CD5: variants seen among roughly 807,000 people sequenced by gnomAD.
CD5 encodes CD5 molecule, also known as T-cell surface glycoprotein CD5.
A neutral mutation model predicts 60.3 loss-of-function variants in CD5; 36 were observed. That is an observed-to-expected ratio of 0.60 (90% CI 0.46 to 0.79). The LOEUF (loss-of-function observed/expected upper bound fraction) is 0.79. CD5 is among the 30% of genes least tolerant of loss of function. The pLI is 0.00. For synonymous variants in CD5, 230 were observed against 257.6 expected (o/e 0.89, Z 1.03); for missense variants, 540 against 630.6 (o/e 0.86, Z 1.54).
At chr11:61,103,451 G>A (rs1195648029) in intron 1 of CD5, among the ~76,000 whole-genome samples, 4 of 152,232 alleles carry the variant, frequency 2.6e-5, no homozygotes, top group Admixed American at 2.0e-4. Context: ...GGCTGGCAGG[G>A]AGAGGGTCCG....
At chr11:61,115,018 A>T in intron 1 of CD5, 38 bp from the exon 2 acceptor site, 1 of 1,546,098 alleles carries the variant, frequency 6.5e-7, no homozygotes, top group Admixed American at 2.0e-5. Flanking sequence ...AGAGAGTGGG[A>T]GGTTTCACTT....
At chr11:61,114,361 A>G (rs1860904675) in intron 1 of CD5, among the ~76,000 whole-genome samples, 1 of 152,204 alleles carries the variant, frequency 6.6e-6, no homozygotes, top group South Asian at 2.1e-4. Flanking sequence ...CACTTCAGGA[A>G]GCTGATGCAC....
At position 61,121,741 on chromosome 11, in the gene CD5, G is replaced by A. The variant is rs1286665943; in HGVS notation, c.936G>A (p.Trp312Ter). The A allele has an allele frequency of 3.7e-6, 6 of 1,611,458 alleles. No individual in the cohort carries two copies. The highest frequency in any genetic ancestry group is 1.3e-5 in the African/African-American group (1 of 74,888). Residue 312 changes from tryptophan to a stop codon, truncating the protein, a stop_gained, in exon 6 of 11, where the codon TGG becomes TGA. Coordinates refer to ENST00000347785, the MANE Select transcript of CD5 (RefSeq NM_014207.4). LOFTEE classifies it high-confidence loss of function. ...CTTCAGCCAGGAGCTCGCTGCGGTG[G>A]GAGGAGGTGTGCCGGGAGCAGCAGT... is the stretch of plus-strand genomic sequence containing the variant. ...DSSSARSSLR[W>*]EEVCREQQCG...
At chr11:61,100,787 TCAA>T (rs1222059319), upstream of CD5, among the ~76,000 whole-genome samples, 1 of 93,030 alleles carries the variant, frequency 1.1e-5, no homozygotes, top group Non-Finnish European at 2.1e-5. Context: ...CAAACACACA[TCAA>T]CATGGAGATC....
the CD5 span, among the ~76,000 whole-genome samples, chr11:61,094,471 T>G: frequency 6.6e-6 from 1 of 152,254 alleles, no homozygotes; most frequent in South Asian, 2.1e-4. Flanking sequence ...GCCTACTCCA[T>G]TTGAGTAGAA....
upstream of CD5, among the ~76,000 whole-genome samples, chr11:61,099,187 C>A (rs988168311): frequency 6.6e-6 from 1 of 152,230 alleles, no homozygotes; most frequent in African/African-American, 2.4e-5. Context: ...CACATACATA[C>A]CCCACATCAA....
chr11:61,107,476 T>C (rs751409535), intron 1 of CD5, among the ~76,000 whole-genome samples: 2 of 152,224 alleles, frequency 1.3e-5, no homozygotes, highest in South Asian at 2.1e-4. Flanking sequence ...AAGGAAATAC[T>C]GTGTACATAC....
intron 1 of CD5, among the ~76,000 whole-genome samples, chr11:61,106,862 C>T (rs1411433762): frequency 2.6e-5 from 4 of 152,146 alleles, no homozygotes; most frequent in Non-Finnish European, 5.9e-5. Context: ...GTGTCCACCT[C>T]AAAAGATCAC....
At chr11:61,123,111 G>A (rs920933079) in intron 7 of CD5, 79 bp downstream of exon 7, 2 of 1,449,404 alleles carry the variant, frequency 1.4e-6, no homozygotes, top group Admixed American at 2.2e-5. Flanking sequence ...CCGGAGGAGG[G>A]GTCATGCCTC....
rs1048734869 is a variant in CD5 at position 61,118,711 on chromosome 11, G to A, written c.401-204G>A. Among the ~76,000 whole-genome samples the A allele has an allele frequency of 2.6e-5, 4 of 152,214 alleles. No homozygotes were observed. The highest frequency in any genetic ancestry group is 5.9e-5 in the Non-Finnish European group (4 of 68,026). ...TCTGCCAATCACTGACTTCATCGTC[G>A]CCTCTGAACCTCCATTCTCCCATCT... is the stretch of plus-strand genomic sequence containing the variant. On this transcript the variant is annotated intron_variant, in intron 3 of 10. Coordinates refer to ENST00000347785, the MANE Select transcript of CD5 (RefSeq NM_014207.4). The surrounding 1 kb of genome is among the most constrained non-coding windows in gnomAD (Gnocchi z 4.7).
chr11:61,123,832 C>G, intron 7 of CD5, 52 bp from the exon 8 acceptor site: 1 of 1,036,668 alleles, frequency 9.6e-7, no homozygotes, highest in Non-Finnish European at 1.5e-6. Context: ...TGCCTGCCCC[C>G]ACCCATACCT....
chr11:61,119,049 G>T, intron 4 of CD5, 72 bp downstream of exon 4: 1 of 1,354,454 alleles, frequency 7.4e-7, no homozygotes, highest in South Asian at 1.2e-5. Context: ...CAGTTACATT[G>T]GAATTTCTGA....
intron 1 of CD5, among the ~76,000 whole-genome samples, chr11:61,109,738 C>T (rs1266465873): frequency 1.3e-5 from 2 of 152,086 alleles, no homozygotes; most frequent in South Asian, 2.1e-4. Flanking sequence ...ACGGGAGCTC[C>T]AGGGGTGTGA....
intron 8 of CD5, 84 bp from the exon 9 acceptor site, chr11:61,124,945 TAGG>T (rs1262566001): frequency 3.3e-6 from 5 of 1,529,756 alleles, no homozygotes; most frequent in African/African-American, 2.7e-5. Flanking sequence ...ATCATGGGAA[TAGG>T]AGATTAAAGT....
intron 5 of CD5, among the ~76,000 whole-genome samples, chr11:61,120,859 A>AAACCATAC (rs1419841879): frequency 1.1e-4 from 16 of 152,226 alleles, no homozygotes; most frequent in Non-Finnish European, 2.1e-4. Context: ...GCAGGCTACA[A>AAACCATAC]CCTGTAAAAC....
At chr11:61,103,541 C>T (rs1489541276) in intron 1 of CD5, among the ~76,000 whole-genome samples, 2 of 145,790 alleles carry the variant, frequency 1.4e-5, no homozygotes, top group African/African-American at 5.6e-5. Flanking sequence ...TGGGGGAATG[C>T]ATGTGTGTGT....
chr11:61,123,797 C>T, intron 7 of CD5, 87 bp from the exon 8 acceptor site: 2 of 892,928 alleles, frequency 2.2e-6, no homozygotes, highest in South Asian at 2.9e-5. Flanking sequence ...CATCTCCCTC[C>T]CAGGCCCAGC....
chr11:61,108,445 C>T (rs1860805361), intron 1 of CD5, among the ~76,000 whole-genome samples: 1 of 152,168 alleles, frequency 6.6e-6, no homozygotes, highest in South Asian at 2.1e-4. Flanking sequence ...ATGTGTTTTG[C>T]ACATAAAAGC....
intron 4 of CD5, 51 bp downstream of exon 4, chr11:61,119,028 C>T (rs371996586): frequency 1.4e-6 from 2 of 1,423,182 alleles, no homozygotes; most frequent in Non-Finnish European, 2.0e-6. Context: ...CAAATAAAAA[C>T]CCAGGATGCC....
Sources: gnomAD v4.1 joint callset for allele counts (sites outside exome capture counted in the v4.1 genomes callset) on GRCh38, gnomAD v4.1.1 for gene constraint, Gnocchi (gnomAD v3.1) non-coding constraint, MANE v1.5 for transcripts, NCBI Gene and HGNC (gene_info 2026-07-23, HGNC 2026-07-21) for gene names.